MEOX2: variants seen among roughly 807,000 people sequenced by gnomAD.
MEOX2 encodes homeobox protein MOX-2.
In MEOX2, 11 loss-of-function variants were observed where a neutral mutation model predicts 27.0. The ratio of observed to expected loss-of-function variants is 0.41; its 90% CI spans 0.26 to 0.68. The LOEUF (loss-of-function observed/expected upper bound fraction) is 0.68, where lower values mean the gene tolerates loss of function less well. MEOX2 is among the 30% of genes least tolerant of loss of function. The pLI is 0.33. For synonymous variants in MEOX2, 189 were observed against 155.4 expected (o/e 1.22, Z -1.61); for missense variants, 436 against 385.4 (o/e 1.13, Z -1.10).
chr7:15,613,078 A>C (rs1781058715), intron 2 of MEOX2, among the ~76,000 whole-genome samples: 1 of 152,234 alleles, frequency 6.6e-6, no homozygotes, highest in Admixed American at 6.5e-5. Flanking sequence ...ATACTCTGCC[A>C]TCAGAAACTA....
intron 1 of MEOX2, among the ~76,000 whole-genome samples, chr7:15,637,295 C>A (rs1035372127): frequency 3.3e-5 from 5 of 151,966 alleles, no homozygotes; most frequent in African/African-American, 1.2e-4. Flanking sequence ...AATTGCATAA[C>A]AAATTCAGGC....
At chr7:15,637,773 A>G (rs1015857920) in intron 1 of MEOX2, among the ~76,000 whole-genome samples, 1 of 152,054 alleles carries the variant, frequency 6.6e-6, no homozygotes, top group African/African-American at 2.4e-5. Flanking sequence ...TGGGTTGGAT[A>G]TCAGTTGTTG....
In MEOX2 at chr7:15,686,064, G is replaced by C. The variant is rs528476147; in HGVS notation, c.339C>G (p.Asp113Glu). The change falls in exon 1 of 3, where the codon GAC (aspartate) becomes GAG (glutamate). Residue 113 changes from aspartate to glutamate, a missense_variant. Asp to Glu is a conservative substitution (Grantham distance 45). Transcript: ENST00000262041. Reference sequence around the variant, plus strand: ...TCCCCAACTCTGGGGGCCCTCCAGAGTCGGGCTGGAGGCAGAGGCTGTGCC... The same window carrying C: ...TCCCCAACTCTGGGGGCCCTCCAGACTCGGGCTGGAGGCAGAGGCTGTGCC... ...AARHSLCLQP[D>E]SGGPPELGSS... 1.9e-6 allele frequency: 3 copies of C among 1,599,432 alleles called. No individual in the cohort carries two copies. Among genetic ancestry groups the C allele is most frequent in the African/African-American group, 1.3e-5 (1 of 74,500 alleles).
intron 1 of MEOX2, among the ~76,000 whole-genome samples, chr7:15,676,598 C>T (rs944781170): frequency 7.2e-5 from 11 of 152,044 alleles, no homozygotes; most frequent in Non-Finnish European, 1.5e-4. Flanking sequence ...TGGCCGGGCG[C>T]GGTGGCTCAC....
At chr7:15,684,983 G>C (rs1782353902) in intron 1 of MEOX2, among the ~76,000 whole-genome samples, 1 of 152,228 alleles carries the variant, frequency 6.6e-6, no homozygotes, top group Admixed American at 6.5e-5. Flanking sequence ...TTCCCCTTTT[G>C]CATGGCTGCT....
intron 1 of MEOX2, among the ~76,000 whole-genome samples, chr7:15,642,606 A>C (rs1781579961): frequency 6.6e-6 from 1 of 152,080 alleles, no homozygotes; most frequent in African/African-American, 2.4e-5. Flanking sequence ...CTTGTCTCTC[A>C]TTTCAAAGTT....
intron 2 of MEOX2, among the ~76,000 whole-genome samples, chr7:15,624,854 A>T (rs1781274411): frequency 6.6e-6 from 1 of 152,228 alleles, no homozygotes; most frequent in Admixed American, 6.5e-5. Flanking sequence ...ACATTAAAAT[A>T]GTATGTATAG....
chr7:15,680,421 G>T (rs1019359817), intron 1 of MEOX2: 5 of 151,916 alleles, frequency 3.3e-5, no homozygotes, highest in South Asian at 2.1e-4. Flanking sequence ...ATTGTAGGCT[G>T]AGCCCTATAT....
Position 15,686,008 on chromosome 7 carries a change from G to T in MEOX2, c.395C>A (p.Ser132Tyr). The change falls in exon 1 of 3, where the codon TCC becomes TAC. Residue 132 changes from serine to tyrosine, a missense_variant. Coordinates refer to ENST00000262041, the MANE Select transcript of MEOX2 (RefSeq NM_005924.5). Reference sequence around the variant, plus strand: ...AGTCGGGGTGCTGGAGCCCAAGCTGGAAGAGTTGGAGCACAGGACGGGCGG... The same window carrying T: ...AGTCGGGGTGCTGGAGCCCAAGCTGTAAGAGTTGGAGCACAGGACGGGCGG... The part of the protein sequence containing the change: ...SSPPVLCSNS[S>Y]SLGSSTPTGA... 6.2e-7 allele frequency: 1 copy of T among 1,608,756 alleles called. No homozygotes were observed.
At position 15,673,144 on chromosome 7, in the gene MEOX2, C is replaced by A. The variant is rs560549251; in HGVS notation, c.517+12742G>T. On this transcript the variant is annotated intron_variant, in intron 1 of 2. Transcript: ENST00000262041. Reference sequence around the variant, plus strand: ...ATTTACCAAGAACTGTGCACCTAAGCCTATGCTGGAAAACACACTAAAAGA... The same window carrying A: ...ATTTACCAAGAACTGTGCACCTAAGACTATGCTGGAAAACACACTAAAAGA... 3.2e-4 allele frequency among the ~76,000 whole-genome samples: 49 copies of A among 152,228 alleles called. 1 individual carries two copies. The highest frequency in any genetic ancestry group is 1.2e-3 in the African/African-American group (48 of 41,546).
chr7:15,617,725 T>C (rs1047842159), intron 2 of MEOX2, among the ~76,000 whole-genome samples: 6 of 152,032 alleles, frequency 3.9e-5, no homozygotes, highest in African/African-American at 1.4e-4. Flanking sequence ...TTAAGTCCTG[T>C]TTACAGGGCT....
At chr7:15,652,381 T>C (rs958767751) in intron 1 of MEOX2, among the ~76,000 whole-genome samples, 7 of 152,060 alleles carry the variant, frequency 4.6e-5, no homozygotes, top group Admixed American at 3.9e-4. Flanking sequence ...ATGTAATATA[T>C]GTCACAATAT....
intron 2 of MEOX2, among the ~76,000 whole-genome samples, chr7:15,614,897 C>T (rs1781098520): frequency 6.6e-6 from 1 of 152,110 alleles, no homozygotes; most frequent in South Asian, 2.1e-4. Context: ...CACGATGCTT[C>T]ATCAGCATGC....
chr7:15,625,889 G>T (rs973439866), intron 2 of MEOX2, among the ~76,000 whole-genome samples: 55 of 152,050 alleles, frequency 3.6e-4, no homozygotes, highest in African/African-American at 1.3e-3. Flanking sequence ...ATATTATTTA[G>T]GTCTCATTAA....
At chr7:15,614,692 T>C (rs562204604) in intron 2 of MEOX2, among the ~76,000 whole-genome samples, 72 of 152,260 alleles carry the variant, frequency 4.7e-4, no homozygotes, top group African/African-American at 1.7e-3. Flanking sequence ...CATTATCTTA[T>C]TAATTATAAT....
At chr7:15,663,426 G>A (rs535703515) in intron 1 of MEOX2, among the ~76,000 whole-genome samples, 5 of 151,104 alleles carry the variant, frequency 3.3e-5, no homozygotes, top group South Asian at 2.1e-4. Context: ...TCCTCCTCCC[G>A]GGTTTAAGCA....
chr7:15,635,257 C>G (rs1382524813), intron 1 of MEOX2, among the ~76,000 whole-genome samples: 1 of 151,938 alleles, frequency 6.6e-6, no homozygotes, highest in Non-Finnish European at 1.5e-5. Flanking sequence ...CAGAAACCAA[C>G]AGGAATACAT....
At chr7:15,621,284 A>G (rs1364854831) in intron 2 of MEOX2, among the ~76,000 whole-genome samples, 1 of 152,230 alleles carries the variant, frequency 6.6e-6, no homozygotes, top group Admixed American at 6.5e-5. Context: ...ACAACATTAT[A>G]TAATTAAAAT....
chr7:15,615,303 G>A (rs1399792098), intron 2 of MEOX2, among the ~76,000 whole-genome samples: 1 of 151,986 alleles, frequency 6.6e-6, no homozygotes, highest in East Asian at 1.9e-4. Flanking sequence ...AAACCCTGGT[G>A]CCAGGATTTA....
Sources: gnomAD v4.1 joint callset for allele counts (sites outside exome capture counted in the v4.1 genomes callset) on GRCh38, gnomAD v4.1.1 for gene constraint, MANE v1.5 for transcripts, NCBI Gene and HGNC (gene_info 2026-07-23, HGNC 2026-07-21) for gene names.